The following WNK1 variants were observed in gnomAD, a reference collection of about 807,000 sequenced individuals.
WNK1 encodes the protein WNK lysine deficient protein kinase 1, also known as serine/threonine-protein kinase WNK1.
A neutral mutation model predicts 222.8 loss-of-function variants in WNK1; 38 were observed. That is an observed-to-expected ratio of 0.17 (90% CI 0.13 to 0.22). WNK1 has a LOEUF of 0.22. Ranked by LOEUF, WNK1 falls within the 10% of genes least tolerant of loss-of-function variation. WNK1 has a pLI of 1.00. For synonymous variants in WNK1, 1,090 were observed against 1,092.9 expected (o/e 1.00, Z 0.05); for missense variants, 2,348 against 2,918.4 (o/e 0.80, Z 4.50).
chr12:883,432 C>T lies in WNK1; in HGVS notation c.3527C>T (p.Ser1176Leu), dbSNP rs754769050. 10 of 1,613,916 alleles carry T rather than the reference C, an allele frequency of 6.2e-6. No homozygotes were observed. The highest frequency in any genetic ancestry group is 3.3e-5 in the Admixed American group (2 of 59,994). ...NDFILAIERE[S>L]FVDQVREIIE... ...TTTATTCTAGCAATAGAGAGAGAGT[C>T]GTTTGTGGATCAAGTGCGAGAAATT... Residue 1176 changes from serine to leucine, a missense_variant, in exon 16 of 28, where the codon TCG (serine) becomes TTG (leucine). This residue lies in a region of WNK1 where 1,144 missense variants were observed against 1,273.6 expected (regional missense o/e 0.90). Transcript: ENST00000315939.
At chr12:875,641 T>C (rs1296483482) in intron 9 of WNK1, among the ~76,000 whole-genome samples, 1 of 152,148 alleles carries the variant, frequency 6.6e-6, no homozygotes, top group Non-Finnish European at 1.5e-5. Flanking sequence ...AAAAAAAATC[T>C]AGTTTTATTT....
intron 4 of WNK1, among the ~76,000 whole-genome samples, chr12:840,035 C>A (rs534995175): frequency 6.6e-6 from 1 of 151,548 alleles, no homozygotes; most frequent in African/African-American, 2.4e-5. Flanking sequence ...CCCATTCTGT[C>A]GTATTCTAAA....
rs372470140 is a variant in WNK1 at position 810,123 on chromosome 12, G to T, written c.760-3519G>T. On this transcript the variant is annotated intron_variant, in intron 1 of 27. Coordinates refer to ENST00000315939, the MANE Select transcript of WNK1 (RefSeq NM_018979.4). Reference sequence around the variant, plus strand: ...AAATTAGCCAGGTGTGGTGGCACACGCCTGTAATCCCAGCTATTCAGGAGG... The same window carrying T: ...AAATTAGCCAGGTGTGGTGGCACACTCCTGTAATCCCAGCTATTCAGGAGG... 7.2e-5 allele frequency among the ~76,000 whole-genome samples: 11 copies of T among 152,110 alleles called. No individual in the cohort carries two copies. The East Asian group carries it at 1.9e-3, about 27-fold the overall frequency.
At position 885,158 on chromosome 12, in the gene WNK1, A is replaced by T. The variant is rs142543401; in HGVS notation, c.4354A>T (p.Thr1452Ser). The T allele has an allele frequency of 3.1e-6, 5 of 1,613,994 alleles. No homozygotes were observed. Reference sequence around the variant, plus strand: ...TAGTACAGCACTGTATCCTTCAGTAACAGTTTCAGCAACTTCAGCCTCTGC... The same window carrying T: ...TAGTACAGCACTGTATCCTTCAGTATCAGTTTCAGCAACTTCAGCCTCTGC... ...VSSTALYPSVTVSATSASAGG... is the reference protein window; with the variant it reads ...VSSTALYPSVSVSATSASAGG... The change falls in exon 19 of 28, where the codon ACA becomes TCA. Residue 1452 changes from threonine to serine, a missense_variant. By Grantham distance (58) the Thr-to-Ser change is moderately conservative. Around this residue, in one of 13 missense-constraint regions of WNK1, gnomAD observed 1,144 missense variants for 1,273.6 expected, o/e 0.90. Transcript: ENST00000315939.
At chr12:819,952 C>G (rs1947705865) in intron 2 of WNK1, among the ~76,000 whole-genome samples, 1 of 152,146 alleles carries the variant, frequency 6.6e-6, no homozygotes, top group African/African-American at 2.4e-5. Context: ...CCGCATTGCT[C>G]TGATTACTAT....
intron 1 of WNK1, among the ~76,000 whole-genome samples, chr12:793,859 C>T (rs1486711399): frequency 6.6e-6 from 1 of 152,106 alleles, no homozygotes; most frequent in Non-Finnish European, 1.5e-5. Context: ...GTGCAACCAT[C>T]ACAGTACTAA....
chr12:848,655 A>C (rs1175077553), intron 4 of WNK1, among the ~76,000 whole-genome samples: 1 of 152,088 alleles, frequency 6.6e-6, no homozygotes, highest in African/African-American at 2.4e-5. Context: ...TGGGGGAAGA[A>C]GCATCCAATG....
chr12:804,961 ATAAT>A (rs1340710494), intron 1 of WNK1, among the ~76,000 whole-genome samples: 6 of 147,868 alleles, frequency 4.1e-5, no homozygotes, highest in African/African-American at 1.5e-4. Flanking sequence ...AATATAAAAT[ATAAT>A]TAATATTTTA....
Position 868,397 on chromosome 12 carries a change from G to A in WNK1, c.2140-2868G>A, listed in dbSNP as rs369073199. Reference sequence around the variant, plus strand: ...ACCTGAACAGAAGCCAGTACAAGGGGGCCCTACTTCAAGTTCTGTCTTTGA... The same window carrying A: ...ACCTGAACAGAAGCCAGTACAAGGGAGCCCTACTTCAAGTTCTGTCTTTGA... On this transcript the variant is annotated intron_variant, in intron 8 of 27. Coordinates refer to ENST00000315939, the MANE Select transcript of WNK1 (RefSeq NM_018979.4). 2.1e-5 allele frequency: 34 copies of A among 1,613,804 alleles called. No individual in the cohort carries two copies. The highest frequency in any genetic ancestry group is 2.8e-5 in the Non-Finnish European group (33 of 1,179,890).
chr12:812,112 C>CT (rs1362240686), intron 1 of WNK1, among the ~76,000 whole-genome samples: 1 of 152,078 alleles, frequency 6.6e-6, no homozygotes, highest in Non-Finnish European at 1.5e-5. Context: ...TAGTTGGCAG[C>CT]TTTTTTACAA....
chr12:755,298 G>T (rs1025018129), intron 1 of WNK1, among the ~76,000 whole-genome samples: 20 of 152,166 alleles, frequency 1.3e-4, no homozygotes, highest in African/African-American at 3.6e-4. Context: ...CATAAAAATT[G>T]CCATTATTGA....
chr12:884,381 T>C lies in WNK1; in HGVS notation c.3844+138T>C. 1 of 1,352,234 alleles carries C rather than the reference T, an allele frequency of 7.4e-7. No homozygotes were observed. The highest frequency in any genetic ancestry group is 1.0e-6 in the Non-Finnish European group (1 of 964,052). 83.8% of individuals were successfully genotyped at this position (1,352,234 alleles called of 1,614,324 possible). ...GAAAACTGAAGTTATAACCAACAGA[T>C]AAACATATGGGAGAGGGAAATAGAT... On this transcript the variant is annotated intron_variant, in intron 18 of 27. Coordinates refer to ENST00000315939, the MANE Select transcript of WNK1 (RefSeq NM_018979.4). The surrounding 1 kb of genome is among the most constrained non-coding windows in gnomAD (Gnocchi z 5.6).
intron 1 of WNK1, among the ~76,000 whole-genome samples, chr12:797,356 A>G (rs542262823): frequency 2.6e-5 from 4 of 152,198 alleles, no homozygotes; most frequent in Non-Finnish European, 5.9e-5. Flanking sequence ...TACCTTCTAT[A>G]TAAGAGAAAC....
intron 1 of WNK1, among the ~76,000 whole-genome samples, chr12:754,813 A>G (rs536527767): frequency 6.6e-6 from 1 of 152,260 alleles, no homozygotes; most frequent in Non-Finnish European, 1.5e-5. Context: ...ATTTAGTATA[A>G]AATAATTATT....
intron 1 of WNK1, among the ~76,000 whole-genome samples, chr12:806,749 G>C (rs1292745096): frequency 6.6e-6 from 1 of 152,112 alleles, no homozygotes; most frequent in Non-Finnish European, 1.5e-5. Flanking sequence ...TTATAGGCTT[G>C]GACATATATT....
chr12:890,353 C>G (rs891699372), intron 21 of WNK1, 100 bp from the exon 22 acceptor site: 41 of 1,168,884 alleles, frequency 3.5e-5, no homozygotes, highest in Non-Finnish European at 4.8e-5. Context: ...CATATACTGT[C>G]TTTCTGCCCT....
chr12:752,812 C>G lies in WNK1; in HGVS notation c.-754C>G, dbSNP rs1038160610. On this transcript the variant is annotated 5_prime_UTR_variant, in exon 1 of 28. Coordinates refer to ENST00000315939, the MANE Select transcript of WNK1 (RefSeq NM_018979.4). ...CTCCCCTCCCCGCCGTTCCCTCCTC[C>G]GTCAGCCCCCGGCACCGGCCCGGGA... 1 of 152,248 alleles carries G rather than the reference C, an allele frequency of 6.6e-6. No homozygotes were observed. The highest frequency in any genetic ancestry group is 1.5e-5 in the Non-Finnish European group (1 of 68,118). The allele number at this position is 152,248 out of a possible 1,614,324, so 9.4% of individuals were successfully genotyped here.
rs773790877 is a variant in WNK1, at chr12:865,350, C to T, written c.2139+3080C>T. The T allele has an allele frequency of 1.6e-4, 243 of 1,536,000 alleles. No homozygotes were observed. The highest frequency in any genetic ancestry group is 2.0e-4 in the Non-Finnish European group (235 of 1,146,898). ...GCACCGACGCTCCAGCCTGCCTTCCCTCTTTGTCAGTACTGTATGTAACTG... is the reference window on the plus strand; with the variant it reads ...GCACCGACGCTCCAGCCTGCCTTCCTTCTTTGTCAGTACTGTATGTAACTG... On this transcript the variant is annotated intron_variant, in intron 8 of 27. Coordinates refer to ENST00000315939, the MANE Select transcript of WNK1 (RefSeq NM_018979.4).
intron 26 of WNK1, chr12:906,258 C>T: frequency 1.0e-6 from 1 of 959,004 alleles, no homozygotes; most frequent in African/African-American, 1.8e-5. Flanking sequence ...GGAAAACAGA[C>T]AAGACCATGA....
Sources: allele counts gnomAD v4.1 joint callset (sites outside exome capture counted in the v4.1 genomes callset), GRCh38; gene constraint gnomAD v4.1.1; regional missense constraint gnomAD v4.1.1; non-coding constraint Gnocchi (gnomAD v3.1); transcripts MANE v1.5; gene names NCBI Gene and HGNC (gene_info 2026-07-23, HGNC 2026-07-21).